Variants in AKAP13 observed in about 807,000 individuals in gnomAD.
AKAP13 encodes A-kinase anchoring protein 13, also known as A-kinase anchor protein 13.
A neutral mutation model predicts 264.5 loss-of-function variants in AKAP13; 80 were observed. That is an observed-to-expected ratio of 0.30 (90% CI 0.25 to 0.36). The LOEUF (loss-of-function observed/expected upper bound fraction) is 0.36, where lower values mean the gene tolerates loss of function less well. AKAP13 is among the 10% of genes least tolerant of loss of function. The pLI, the probability that AKAP13 is intolerant of heterozygous loss-of-function variation, is 1.00. For missense variants in AKAP13, 3,712 were observed against 3,435.2 expected (o/e 1.08, Z -2.01); for synonymous variants, 1,380 against 1,250.2 (o/e 1.10, Z -2.19).
At position 85,425,353 on chromosome 15, in the gene AKAP13, C is replaced by T. The variant is rs73448270; in HGVS notation, c.-12+44555C>T. Among the ~76,000 whole-genome samples, 1,010 of 152,046 alleles carry T rather than the reference C, an allele frequency of 6.6e-3. 17 individuals are homozygous for T. Among genetic ancestry groups the T allele is most frequent in the African/African-American group, 0.023 (970 of 41,474 alleles). On this transcript the variant is annotated intron_variant, in intron 1 of 36. Transcript: ENST00000394518. ...CTAGGTGTGTTTATATAAGATAAAGCCTTTTGGTTCTTGGAAAACAGTTTT... is the reference window on the plus strand; with the variant it reads ...CTAGGTGTGTTTATATAAGATAAAGTCTTTTGGTTCTTGGAAAACAGTTTT...
At chr15:85,744,178 A>G (rs902310454) in intron 36 of AKAP13, 29 of 306,082 alleles carry the variant, frequency 9.5e-5, no homozygotes, top group African/African-American at 6.1e-4. Flanking sequence ...TAACCCTCAA[A>G]TGACTGTATG....
intron 1 of AKAP13, among the ~76,000 whole-genome samples, chr15:85,483,641 A>AAAAAAAAC (rs2075424077): frequency 7.0e-6 from 1 of 143,164 alleles, no homozygotes; most frequent in Non-Finnish European, 1.5e-5. Context: ...TCAAAAAAAA[A>AAAAAAAAC]AAAAAAAAAA....
intron 2 of AKAP13, among the ~76,000 whole-genome samples, chr15:85,498,995 A>T (rs969743617): frequency 1.3e-5 from 2 of 152,244 alleles, no homozygotes; most frequent in Non-Finnish European, 2.9e-5. Context: ...TATGAATTAA[A>T]TTGGAACTGT....
chr15:85,485,867 C>T, intron 2 of AKAP13, 114 bp downstream of exon 2: 1 of 842,024 alleles, frequency 1.2e-6, no homozygotes, highest in Non-Finnish European at 1.9e-6. Flanking sequence ...ACCATATGTC[C>T]ATGAATATAT....
intron 1 of AKAP13, among the ~76,000 whole-genome samples, chr15:85,463,002 C>G (rs1359460181): frequency 8.8e-6 from 1 of 114,244 alleles, no homozygotes; most frequent in Non-Finnish European, 1.6e-5. Context: ...CCAGCCTGGG[C>G]GACAGAGCGA....
At chr15:85,456,531 C>A (rs1278051571) in intron 1 of AKAP13, among the ~76,000 whole-genome samples, 1 of 149,586 alleles carries the variant, frequency 6.7e-6, no homozygotes, top group African/African-American at 2.5e-5. Flanking sequence ...GGCAGTGTTC[C>A]CAGAGTAGCC....
intron 19 of AKAP13, among the ~76,000 whole-genome samples, chr15:85,712,218 G>A (rs1168938416): frequency 6.6e-6 from 1 of 152,138 alleles, no homozygotes; most frequent in Non-Finnish European, 1.5e-5. Context: ...GTTTCTCTGA[G>A]TACTTCCAGA....
intron 5 of AKAP13, among the ~76,000 whole-genome samples, chr15:85,547,543 GACATTTTT>G (rs2077797900): frequency 7.4e-6 from 1 of 134,370 alleles, no homozygotes; most frequent in Non-Finnish European, 1.6e-5. Context: ...AACTACTCAG[GACATTTTT>G]TTTACAGTTT....
chr15:85,577,220 C>G (rs1484204603), intron 6 of AKAP13, among the ~76,000 whole-genome samples: 1 of 152,152 alleles, frequency 6.6e-6, no homozygotes, highest in Non-Finnish European at 1.5e-5. Context: ...TAGGAATGGT[C>G]TGATGATGGA....
chr15:85,668,288 C>T lies in AKAP13; in HGVS notation c.4993-1434C>T, dbSNP rs541712419. 2.6e-5 allele frequency among the ~76,000 whole-genome samples: 4 copies of T among 152,300 alleles called. No homozygotes were observed. In the Middle Eastern group the frequency reaches 0.01, roughly 389 times the overall value. On this transcript the variant is annotated intron_variant, in intron 13 of 36. Transcript: ENST00000394518. ...TAGTAACGGATTTTTCACTGCTTCC[C>T]TTTCAATATGTGAGTCATAAGGAGG...
chr15:85,742,732 G>C (rs750518330), intron 35 of AKAP13, among the ~76,000 whole-genome samples: 1 of 152,218 alleles, frequency 6.6e-6, no homozygotes, highest in Non-Finnish European at 1.5e-5. Flanking sequence ...TGGAGAGCCT[G>C]GGTGTACACA....
chr15:85,678,458 T>C (rs1250224588), intron 14 of AKAP13, among the ~76,000 whole-genome samples: 3 of 152,224 alleles, frequency 2.0e-5, no homozygotes, highest in Non-Finnish European at 2.9e-5. Context: ...TAAAAGATGT[T>C]TGAAAAATAG....
At chr15:85,711,406 T>C (rs1481607734) in intron 19 of AKAP13, among the ~76,000 whole-genome samples, 1 of 152,204 alleles carries the variant, frequency 6.6e-6, no homozygotes, top group African/African-American at 2.4e-5. Context: ...TGTATGTCCT[T>C]CTAATCTGCC....
rs141196760 is a variant in AKAP13 at position 85,642,496 on chromosome 15, G to C, written c.4237+3047G>C. 6.3e-3 allele frequency among the ~76,000 whole-genome samples: 956 copies of C among 152,358 alleles called. 10 individuals are homozygous for C. The highest frequency in any genetic ancestry group is 0.022 in the African/African-American group (899 of 41,588). On this transcript the variant is annotated intron_variant, in intron 9 of 36. Transcript: ENST00000394518. ...TAATTTTGAAAACTTACCAATTCATGTGACACAGGGTGTGGATTAGCTCTG... is the reference window on the plus strand; with the variant it reads ...TAATTTTGAAAACTTACCAATTCATCTGACACAGGGTGTGGATTAGCTCTG...
At chr15:85,702,003 T>TA (rs1475437042) in intron 17 of AKAP13, 1 of 151,980 alleles carries the variant, frequency 6.6e-6, no homozygotes, top group East Asian at 2.0e-4. Flanking sequence ...CCCAGCACTT[T>TA]AGGAGGGCAA....
chr15:85,648,074 C>T lies in AKAP13; in HGVS notation c.4374+2120C>T, dbSNP rs751393684. Reference sequence around the variant, plus strand: ...TTTAGGTAATTTCCACTGCGACTTTCGAGGTTTTAATTGTAAGGAATTCTG... The same window carrying T: ...TTTAGGTAATTTCCACTGCGACTTTTGAGGTTTTAATTGTAAGGAATTCTG... On this transcript the variant is annotated intron_variant, in intron 10 of 36. Transcript: ENST00000394518. Among the ~76,000 whole-genome samples the T allele has an allele frequency of 3.3e-5, 5 of 151,810 alleles. No homozygotes were observed. In the East Asian group the frequency reaches 5.8e-4, roughly 18 times the overall value.
At chr15:85,442,106 G>C (rs923239503) in intron 1 of AKAP13, among the ~76,000 whole-genome samples, 1 of 152,062 alleles carries the variant, frequency 6.6e-6, no homozygotes. Flanking sequence ...CTATTGGACA[G>C]AACATTTGTT....
At position 85,406,850 on chromosome 15, in the gene AKAP13, G is replaced by A. The variant is rs999049723; in HGVS notation, c.-12+26052G>A. On this transcript the variant is annotated intron_variant, in intron 1 of 36. Coordinates refer to ENST00000394518, the MANE Select transcript of AKAP13 (RefSeq NM_007200.5). ...AAAGCTAATTTGATGGTTTCTAGGG[G>A]TAGTTCTATTTTGAAATTCCTTTCA... Among the ~76,000 whole-genome samples the A allele has an allele frequency of 1.3e-5, 2 of 151,580 alleles. 1 individual carries two copies. The highest frequency in any genetic ancestry group is 4.9e-5 in the African/African-American group (2 of 40,902).
intron 17 of AKAP13, among the ~76,000 whole-genome samples, chr15:85,705,031 A>G (rs887915893): frequency 1.3e-5 from 2 of 152,234 alleles, no homozygotes; most frequent in African/African-American, 4.8e-5. Flanking sequence ...GAGAAAACTC[A>G]TGACCATAAT....
Sources: allele counts gnomAD v4.1 joint callset (sites outside exome capture counted in the v4.1 genomes callset), GRCh38; gene constraint gnomAD v4.1.1; transcripts MANE v1.5; gene names NCBI Gene and HGNC (gene_info 2026-07-23, HGNC 2026-07-21).